SH3BP5: variants seen among roughly 807,000 people sequenced by gnomAD.
SH3BP5 encodes SH3 domain-binding protein 5.
Under a neutral mutation model 43.3 loss-of-function variants are expected in SH3BP5, and 22 were observed. The ratio of observed to expected loss-of-function variants is 0.51; its 90% CI spans 0.36 to 0.73. SH3BP5 has a LOEUF of 0.73. Ranked by LOEUF, SH3BP5 falls within the 30% of genes least tolerant of loss-of-function variation. The pLI, the probability that SH3BP5 is intolerant of heterozygous loss-of-function variation, is 0.00. For missense variants in SH3BP5, 529 were observed against 586.9 expected, an observed-to-expected ratio of 0.90 and a Z score of 1.02; for synonymous variants, 255 against 225.8, an observed-to-expected ratio of 1.13 and a Z score of -1.16.
chr3:15,306,422 C>T (rs1048813200), intron 2 of SH3BP5, among the ~76,000 whole-genome samples: 4 of 151,968 alleles, frequency 2.6e-5, no homozygotes, highest in African/African-American at 7.3e-5. Flanking sequence ...GCGGAAAGAT[C>T]GCTTAAGCCC....
chr3:15,336,230 G>A (rs1698699177), upstream of SH3BP5, among the ~76,000 whole-genome samples: 1 of 152,226 alleles, frequency 6.6e-6, no homozygotes, highest in Admixed American at 6.5e-5. Context: ...AGGTCCTGAG[G>A]TGGGAATATG....
intron 3 of SH3BP5, among the ~76,000 whole-genome samples, chr3:15,272,500 G>T (rs899777771): frequency 6.6e-6 from 1 of 152,098 alleles, no homozygotes; most frequent in Non-Finnish European, 1.5e-5. Flanking sequence ...CTGATGAGGT[G>T]GGGGACAGAA....
At position 15,332,568 on chromosome 3, in the gene SH3BP5, C is replaced by A. The variant is rs1371615714; in HGVS notation, c.-160G>T. 1.6e-5 allele frequency: 20 copies of A among 1,226,998 alleles called. No individual in the cohort carries two copies. Among genetic ancestry groups the A allele is most frequent in the Non-Finnish European group, 1.9e-5 (19 of 985,948 alleles). The allele number at this position is 1,226,998 out of a possible 1,614,324, so 76.0% of individuals were successfully genotyped here. On this transcript the variant is annotated 5_prime_UTR_variant, in exon 1 of 9. Transcript: ENST00000383791. ...CGCAGCTCGCCGATGCGGATACCTC[C>A]GGCCGCGGCGGAGCAGAGGAAATGG...
chr3:15,256,424 T>C, intron 8 of SH3BP5, 121 bp from the exon 9 acceptor site: 1 of 1,017,780 alleles, frequency 9.8e-7, no homozygotes, highest in Non-Finnish European at 1.5e-6. Flanking sequence ...CTCAAACCAG[T>C]CAGCTAACTC....
chr3:15,326,246 T>C (rs1313927199), intron 2 of SH3BP5, among the ~76,000 whole-genome samples: 2 of 152,120 alleles, frequency 1.3e-5, no homozygotes, highest in Non-Finnish European at 2.9e-5. Flanking sequence ...GACATCCAAG[T>C]GACACGGCAG....
intron 2 of SH3BP5, among the ~76,000 whole-genome samples, chr3:15,307,213 C>T (rs1697935672): frequency 6.6e-6 from 1 of 152,194 alleles, no homozygotes; most frequent in African/African-American, 2.4e-5. Flanking sequence ...GTGCCATCAT[C>T]ATCATCCTGA....
intron 3 of SH3BP5, among the ~76,000 whole-genome samples, chr3:15,283,893 C>T (rs537472521): frequency 6.6e-6 from 1 of 152,268 alleles, no homozygotes; most frequent in East Asian, 1.9e-4. Flanking sequence ...AGGTGTGAAG[C>T]CACAGAGTCC....
At chr3:15,304,017 T>C (rs1462153276) in intron 3 of SH3BP5, 86 bp downstream of exon 3, 2 of 1,132,188 alleles carry the variant, frequency 1.8e-6, no homozygotes, top group Non-Finnish European at 2.7e-6. Context: ...CTTCTAACCT[T>C]CAGCAGGTGA....
chr3:15,334,294 G>A (rs1698674735), upstream of SH3BP5, among the ~76,000 whole-genome samples: 1 of 152,056 alleles, frequency 6.6e-6, no homozygotes. Context: ...AAGATAAAAT[G>A]AGAAAAATAA....
intron 3 of SH3BP5, among the ~76,000 whole-genome samples, chr3:15,287,342 A>G (rs775483568): frequency 1.3e-5 from 2 of 152,266 alleles, no homozygotes; most frequent in Non-Finnish European, 2.9e-5. Context: ...GATGACAACC[A>G]TAACGCTCAA....
At chr3:15,259,210 C>A in intron 6 of SH3BP5, 160 bp from the exon 7 acceptor site, 2 of 638,810 alleles carry the variant, frequency 3.1e-6, no homozygotes, top group Non-Finnish European at 5.5e-6. Flanking sequence ...GCTATTCATT[C>A]ACCAGACAAA....
rs1355811324 is a variant in SH3BP5, at chr3:15,283,116, G to C, written c.331-13239C>G. 3.9e-5 allele frequency among the ~76,000 whole-genome samples: 6 copies of C among 152,216 alleles called. No homozygotes were observed. In the East Asian group the frequency reaches 1.2e-3, roughly 29 times the overall value. ...AAATGAGCAAACAAAAGTAAAACAA[G>C]ACCAGGTGCGGTGGCTCACGCCTGT... On this transcript the variant is annotated intron_variant, in intron 3 of 8. Transcript: ENST00000383791.
intron 1 of SH3BP5, among the ~76,000 whole-genome samples, chr3:15,340,121 T>C (rs1466041807): frequency 1.3e-5 from 2 of 152,034 alleles, no homozygotes; most frequent in Non-Finnish European, 2.9e-5. Flanking sequence ...GGCTTATTAG[T>C]CTAGGAAATC....
chr3:15,258,958 T>G lies in SH3BP5; in HGVS notation c.762A>C (p.Ser254=). 6.2e-7 allele frequency: 1 copy of G among 1,614,212 alleles called. No individual in the cohort carries two copies. The highest frequency in any genetic ancestry group is 8.5e-7 in the Non-Finnish European group (1 of 1,180,028). ...AGCGCCGCCGCTCGTGGATCTCATC[T>G]GAGATCATCTCCAGGTTCTTCAGGG... ...KMALKNLEMI[S]DEIHERRRSS... The change falls in exon 7 of 9, where the codon TCA becomes TCC. Residue 254 remains serine, a synonymous_variant. Coordinates refer to ENST00000383791, the MANE Select transcript of SH3BP5 (RefSeq NM_004844.5).
At chr3:15,259,224 A>G in intron 6 of SH3BP5, 174 bp from the exon 7 acceptor site, 1 of 620,582 alleles carries the variant, frequency 1.6e-6, no homozygotes, top group South Asian at 1.9e-5. Context: ...AGACAAAATC[A>G]GCCACCACCA....
At chr3:15,329,149 CA>C (rs72054480) in intron 2 of SH3BP5, among the ~76,000 whole-genome samples, 18,936 of 141,560 alleles carry the variant, frequency 0.13, 1,324 homozygotes, top group Middle Eastern at 0.19. Flanking sequence ...GACTCTGTCT[CA>C]AAAAAAAAAA....
intron 2 of SH3BP5, among the ~76,000 whole-genome samples, chr3:15,315,425 C>T (rs1698160885): frequency 6.6e-6 from 1 of 152,212 alleles, no homozygotes; most frequent in Admixed American, 6.5e-5. Flanking sequence ...GCTTTTAGGC[C>T]ACATCCTATT....
At chr3:15,294,287 G>C (rs1047736082) in intron 3 of SH3BP5, among the ~76,000 whole-genome samples, 1 of 130,860 alleles carries the variant, frequency 7.6e-6, no homozygotes, top group African/African-American at 3.1e-5. Flanking sequence ...TTCTGCAAAA[G>C]TAAGTGTGTG....
intron 7 of SH3BP5, 38 bp from the exon 8 acceptor site, chr3:15,257,151 CA>C (rs1696239405): frequency 1.3e-6 from 2 of 1,597,596 alleles, no homozygotes; most frequent in East Asian, 2.2e-5. Context: ...TGGGTTCTGT[CA>C]CCTCCTCAAA....
Sources: allele counts gnomAD v4.1 joint callset (sites outside exome capture counted in the v4.1 genomes callset), GRCh38; gene constraint gnomAD v4.1.1; transcripts MANE v1.5; gene names NCBI Gene and HGNC (gene_info 2026-07-23, HGNC 2026-07-21).